BLOC1S5: variants seen among roughly 807,000 people sequenced by gnomAD.
BLOC1S5 encodes biogenesis of lysosomal organelles complex 1 subunit 5, also known as biogenesis of lysosome-related organelles complex 1 subunit 5.
BLOC1S5 carries 27 observed loss-of-function variants against 24.3 expected under a neutral mutation model. That is an observed-to-expected ratio of 1.11 (90% CI 0.82 to 1.53). The LOEUF is 1.53. Ranked by LOEUF, BLOC1S5 falls within the 40% of genes most tolerant of loss-of-function variation. The pLI, the probability that BLOC1S5 is intolerant of heterozygous loss-of-function variation, is 0.00. For synonymous variants in BLOC1S5, 84 were observed against 74.5 expected, an observed-to-expected ratio of 1.13 and a Z score of -0.66; for missense variants, 239 against 229.4, an observed-to-expected ratio of 1.04 and a Z score of -0.27.
chr6:8,034,173 T>C (rs934046083), intron 3 of BLOC1S5, among the ~76,000 whole-genome samples: 23 of 152,184 alleles, frequency 1.5e-4, no homozygotes, highest in African/African-American at 5.6e-4. Context: ...TAAAGACATA[T>C]GCACACGTAT....
chr6:8,043,089 T>C (rs75703110), intron 2 of BLOC1S5, among the ~76,000 whole-genome samples: 5,953 of 152,238 alleles, frequency 0.039, 370 homozygotes, highest in African/African-American at 0.13. Flanking sequence ...AGTATGGCCA[T>C]ATACTGACTC....
At chr6:8,044,480 A>G (rs1242620900) in intron 2 of BLOC1S5, among the ~76,000 whole-genome samples, 1 of 152,160 alleles carries the variant, frequency 6.6e-6, no homozygotes, top group East Asian at 1.9e-4. Context: ...CTGAAAAGAT[A>G]GAAGAAAATG....
chr6:8,057,073 G>C (rs1204421586), intron 2 of BLOC1S5, among the ~76,000 whole-genome samples: 2 of 152,106 alleles, frequency 1.3e-5, no homozygotes, highest in Non-Finnish European at 2.9e-5. Flanking sequence ...TACAAAATTA[G>C]CTGGACATGG....
intron 2 of BLOC1S5, among the ~76,000 whole-genome samples, chr6:8,053,872 T>C (rs1315541380): frequency 6.6e-6 from 1 of 152,188 alleles, no homozygotes; most frequent in Non-Finnish European, 1.5e-5. Flanking sequence ...TTTAGAAAAG[T>C]TGGTGTTCTT....
chr6:8,033,987 T>C (rs887348960), intron 3 of BLOC1S5, among the ~76,000 whole-genome samples: 2 of 152,168 alleles, frequency 1.3e-5, no homozygotes, highest in Admixed American at 1.3e-4. Flanking sequence ...CAACAGACGC[T>C]GGAAAGGATG....
chr6:8,058,059 CAT>C (rs1764377074), intron 2 of BLOC1S5, among the ~76,000 whole-genome samples: 1 of 152,124 alleles, frequency 6.6e-6, no homozygotes, highest in Admixed American at 6.5e-5. Context: ...TTTATTTGTA[CAT>C]GTCTTGTATG....
chr6:8,017,408 C>A (rs547115093), intron 4 of BLOC1S5, among the ~76,000 whole-genome samples: 1 of 100,786 alleles, frequency 9.9e-6, no homozygotes, highest in African/African-American at 3.3e-5. Flanking sequence ...ACACACACAC[C>A]TACAAAGCAC....
At chr6:8,030,709 T>TA in intron 3 of BLOC1S5, among the ~76,000 whole-genome samples, 1 of 151,106 alleles carries the variant, frequency 6.6e-6, no homozygotes, top group Non-Finnish European at 1.5e-5. Flanking sequence ...CCCTTTCTAC[T>TA]AAAAATAGAA....
chr6:8,023,807 C>CGTGT (rs1300411816), intron 4 of BLOC1S5, among the ~76,000 whole-genome samples: 1 of 151,948 alleles, frequency 6.6e-6, no homozygotes, highest in Non-Finnish European at 1.5e-5. Flanking sequence ...TTATGACATA[C>CGTGT]GTGTGTGTGC....
intron 2 of BLOC1S5, among the ~76,000 whole-genome samples, chr6:8,049,815 G>A (rs7738203): frequency 0.024 from 3,597 of 151,938 alleles, 139 homozygotes; most frequent in African/African-American, 0.08. Context: ...GGGCTCAAGC[G>A]ATCCTCCCGC....
intron 2 of BLOC1S5, among the ~76,000 whole-genome samples, chr6:8,053,026 C>T (rs1010115295): frequency 1.3e-5 from 2 of 152,088 alleles, no homozygotes; most frequent in Admixed American, 6.6e-5. Context: ...GGAATCTACT[C>T]CTGGTGAAAT....
rs186782667 is a variant in BLOC1S5, at chr6:8,032,187, G to T, written c.326-5762C>A. Among the ~76,000 whole-genome samples the T allele has an allele frequency of 3.7e-3, 565 of 152,220 alleles. 4 individuals carry two copies. Among genetic ancestry groups the T allele is most frequent in the Middle Eastern group, 0.01 (3 of 294 alleles). On this transcript the variant is annotated intron_variant, in intron 3 of 4. Coordinates refer to ENST00000397457, the MANE Select transcript of BLOC1S5 (RefSeq NM_201280.3). Reference sequence around the variant, plus strand: ...AATCAGCAAACAGACAACACACAGGGTGGGAGAAAATCTTCGCAAACTATG... The same window carrying T: ...AATCAGCAAACAGACAACACACAGGTTGGGAGAAAATCTTCGCAAACTATG...
chr6:8,032,809 C>CTT (rs1421296509), intron 3 of BLOC1S5, among the ~76,000 whole-genome samples: 3 of 152,176 alleles, frequency 2.0e-5, no homozygotes, highest in Admixed American at 6.5e-5. Context: ...GTACAAAAAT[C>CTT]ACAAGCATTC....
At position 8,064,370 on chromosome 6, in the gene BLOC1S5, C is replaced by T. The variant is rs1265275414; in HGVS notation, c.7G>A (p.Gly3Ser). Residue 3 changes from glycine (G) to serine (S), a missense_variant, in exon 1 of 5, where the codon GGC becomes AGC. Coordinates refer to ENST00000397457, the MANE Select transcript of BLOC1S5 (RefSeq NM_201280.3). ...CCCACAGGGGTCTCTGTCCCTCCGCCACTCATCCCGACCAGTTCCGCCCAC... is the reference window on the plus strand; with the variant it reads ...CCCACAGGGGTCTCTGTCCCTCCGCTACTCATCCCGACCAGTTCCGCCCAC... MS[G>S]GGTETPVGCE... The T allele has an allele frequency of 3.7e-6, 6 of 1,609,850 alleles. No homozygotes were observed. The East Asian group carries it at 1.1e-4, about 30-fold the overall frequency.
At chr6:8,029,080 AG>A (rs1440511699) in intron 3 of BLOC1S5, among the ~76,000 whole-genome samples, 109 of 152,318 alleles carry the variant, frequency 7.2e-4, no homozygotes, top group African/African-American at 2.6e-3. Context: ...CACATAAAAA[AG>A]AAACAAATTC....
Position 8,013,627 on chromosome 6 carries a change from A to G in BLOC1S5, c.*2022T>C, listed in dbSNP as rs919924139. 5 of 152,264 alleles carry G rather than the reference A, an allele frequency of 3.3e-5. No individual in the cohort carries two copies. Among genetic ancestry groups the G allele is most frequent in the Non-Finnish European group, 7.3e-5 (5 of 68,036 alleles). The allele number at this position is 152,264 out of a possible 1,614,324, so 9.4% of individuals were successfully genotyped here. ...ACAAACTATCAGAAATCTTTGCTAT[A>G]CAAGTTGGGTAGCCACAGTTAAGAA... On this transcript the variant is annotated 3_prime_UTR_variant, in exon 5 of 5. Transcript: ENST00000397457.
chr6:8,025,655 G>A (rs549822639), intron 4 of BLOC1S5, among the ~76,000 whole-genome samples: 15 of 152,136 alleles, frequency 9.9e-5, no homozygotes, highest in African/African-American at 3.6e-4. Context: ...TATTATTGTG[G>A]ATTAACCACA....
intron 2 of BLOC1S5, among the ~76,000 whole-genome samples, chr6:8,049,399 C>T (rs9392196): frequency 0.48 from 73,031 of 151,030 alleles, 18,130 homozygotes; most frequent in East Asian, 0.8. Flanking sequence ...AAAGAAAGAA[C>T]GTGGAACAAT....
In BLOC1S5 at chr6:8,015,612, T is replaced by A. The variant is rs1465254263; in HGVS notation, c.*37A>T. 2 of 1,584,780 alleles carry A rather than the reference T, an allele frequency of 1.3e-6. No individual in the cohort carries two copies. The highest frequency in any genetic ancestry group is 3.5e-5 in the Admixed American group (2 of 57,618). On this transcript the variant is annotated 3_prime_UTR_variant, in exon 5 of 5. Coordinates refer to ENST00000397457, the MANE Select transcript of BLOC1S5 (RefSeq NM_201280.3). The stretch of plus-strand genomic sequence containing the variant: ...ATAGTTTTCAGGAGAGAGGTGAACA[T>A]CTTCTCATTAGTTTGTGATTGTTGT...
Sources: gnomAD v4.1 joint callset for allele counts (sites outside exome capture counted in the v4.1 genomes callset) on GRCh38, gnomAD v4.1.1 for gene constraint, MANE v1.5 for transcripts, NCBI Gene and HGNC (gene_info 2026-07-23, HGNC 2026-07-21) for gene names.